Variants in CUEDC1 observed in about 807,000 individuals in gnomAD.
CUEDC1 encodes CUE domain-containing protein 1.
In CUEDC1, 30 loss-of-function variants were observed where a neutral mutation model predicts 43.7. That is an observed-to-expected ratio of 0.69 (90% confidence interval 0.51 to 0.93). The LOEUF (loss-of-function observed/expected upper bound fraction) is 0.93. CUEDC1 is among the 40% of genes least tolerant of loss of function. The pLI is 0.00. For synonymous variants in CUEDC1, 223 were observed against 223.6 expected (o/e 1.00, Z 0.02); for missense variants, 486 against 549.0 (o/e 0.89, Z 1.15).
intron 1 of CUEDC1, among the ~76,000 whole-genome samples, chr17:57,910,489 C>T (rs1375461323): frequency 6.6e-6 from 1 of 151,832 alleles, no homozygotes; most frequent in African/African-American, 2.4e-5. Context: ...GGGCGGGGCA[C>T]AGTGGTTCAC....
intron 1 of CUEDC1, among the ~76,000 whole-genome samples, chr17:57,890,367 G>C (rs1383947014): frequency 6.6e-6 from 1 of 152,190 alleles, no homozygotes; most frequent in African/African-American, 2.4e-5. Context: ...CTGGCTCTGT[G>C]ACCTTGGAGA....
At chr17:57,907,919 G>A (rs1315569012) in intron 1 of CUEDC1, among the ~76,000 whole-genome samples, 6 of 151,388 alleles carry the variant, frequency 4.0e-5, no homozygotes, top group Admixed American at 6.6e-5. Context: ...CCCAATTCTT[G>A]CAGAAGGCCC....
intron 1 of CUEDC1, among the ~76,000 whole-genome samples, chr17:57,898,235 C>T (rs1034944454): frequency 1.2e-4 from 19 of 152,102 alleles, no homozygotes; most frequent in South Asian, 4.1e-4. Context: ...GAATGAGGGC[C>T]GAGTGGACAA....
In CUEDC1 at chr17:57,930,216, A is replaced by C. The variant is rs1206826222; in HGVS notation, c.-316+25009T>G. On this transcript the variant is annotated intron_variant, in intron 1 of 10. Transcript: ENST00000577830. The surrounding 1 kb of genome is among the most constrained non-coding windows in gnomAD (Gnocchi z 4.2). ...TCTCCATTTCTAACCAGGTGATGTC[A>C]GCGCTGCTGGTCTAGGGACCTGACT... 6.6e-6 allele frequency among the ~76,000 whole-genome samples: 1 copy of C among 152,214 alleles called. No individual in the cohort carries two copies. The highest frequency in any genetic ancestry group is 1.5e-5 in the Non-Finnish European group (1 of 68,036).
At chr17:57,933,205 G>C (rs540244211) in intron 1 of CUEDC1, among the ~76,000 whole-genome samples, 65 of 83,286 alleles carry the variant, frequency 7.8e-4, no homozygotes, top group East Asian at 7.7e-3. Context: ...GGGCAGCAAG[G>C]GGGGAGAACC....
In CUEDC1 at chr17:57,863,740, G is replaced by A. The variant is rs998184769; in HGVS notation, c.*4-455C>T. The stretch of plus-strand genomic sequence containing the variant: ...AAGACTCATTCAGGCCAGGCGCAGT[G>A]GCTCACGCCTGTAATCTCAGCACTT... On this transcript the variant is annotated intron_variant, in intron 10 of 10. Transcript: ENST00000577830. 3.3e-5 allele frequency among the ~76,000 whole-genome samples: 5 copies of A among 152,204 alleles called. No homozygotes were observed. In the East Asian group the frequency reaches 7.7e-4, roughly 23 times the overall value.
intron 1 of CUEDC1, among the ~76,000 whole-genome samples, chr17:57,905,850 G>C (rs939198367): frequency 2.0e-5 from 3 of 152,226 alleles, no homozygotes; most frequent in Admixed American, 6.5e-5. Flanking sequence ...CTAAAAGGAA[G>C]GGTTGTGTGG....
Position 57,866,520 on chromosome 17 carries a change from T to C in CUEDC1, c.1118A>G (p.Gln373Arg). ...GCCTTCCTCCACCTTGGGTGCCTCC[T>C]GACGCCTGCCCCGGAAGTCTTCATC... ...ACDEDFRGRR[Q>R]EAPKVEEGLR... Residue 373 changes from glutamine (Q) to arginine (R), a missense_variant, in exon 10 of 11, where the codon CAG becomes CGG. Physicochemically the swap from Gln to Arg is conservative, Grantham distance 43. Transcript: ENST00000577830. 2 of 1,614,226 alleles carry C rather than the reference T, an allele frequency of 1.2e-6. No individual in the cohort carries two copies. Among genetic ancestry groups the C allele is most frequent in the Non-Finnish European group, 1.7e-6 (2 of 1,180,036 alleles).
At chr17:57,941,094 T>C (rs2074913220) in intron 1 of CUEDC1, among the ~76,000 whole-genome samples, 1 of 152,160 alleles carries the variant, frequency 6.6e-6, no homozygotes, top group African/African-American at 2.4e-5. Flanking sequence ...CGCAGACACA[T>C]GGGAGAAGGC....
intron 1 of CUEDC1, among the ~76,000 whole-genome samples, chr17:57,935,453 G>A (rs2074852163): frequency 6.6e-6 from 1 of 151,178 alleles, no homozygotes. Flanking sequence ...CACATTCCTG[G>A]TGCTTACTCT....
intron 1 of CUEDC1, among the ~76,000 whole-genome samples, chr17:57,923,152 TCCA>T (rs558642293): frequency 4.2e-3 from 647 of 152,260 alleles, no homozygotes; most frequent in Non-Finnish European, 7.1e-3. Context: ...GTTTACAATT[TCCA>T]ACTAGCTCCC....
intron 1 of CUEDC1, among the ~76,000 whole-genome samples, chr17:57,887,066 C>T (rs998065334): frequency 5.3e-5 from 8 of 152,112 alleles, no homozygotes; most frequent in African/African-American, 1.7e-4. Flanking sequence ...CGTGATCTGC[C>T]CGCCTCGGCC....
intron 9 of CUEDC1, chr17:57,866,928 G>C (rs2073967492): frequency 2.9e-6 from 1 of 349,268 alleles, no homozygotes; most frequent in Admixed American, 4.2e-5. Context: ...GGGCCCAGGA[G>C]GGTCTGAGGC....
At chr17:57,942,669 G>A (rs952013369) in intron 1 of CUEDC1, among the ~76,000 whole-genome samples, 2 of 151,894 alleles carry the variant, frequency 1.3e-5, no homozygotes, top group African/African-American at 4.8e-5. Context: ...TATTACAGGC[G>A]TGAGCCACCA....
At chr17:57,889,957 T>C (rs1367092153) in intron 1 of CUEDC1, among the ~76,000 whole-genome samples, 1 of 152,230 alleles carries the variant, frequency 6.6e-6, no homozygotes, top group Non-Finnish European at 1.5e-5. Flanking sequence ...CAACTAGCAC[T>C]GCTCAAATGA....
rs1177016041 is a variant in CUEDC1, at chr17:57,955,251, GCGCGGGCCGCAGGGGCCGGGC to G, written c.-363_-343del. 1 of 146,066 alleles carries G rather than the reference GCGCGGGCCGCAGGGGCCGGGC, an allele frequency of 6.8e-6. No individual in the cohort carries two copies. The highest frequency in any genetic ancestry group is 1.5e-5 in the Non-Finnish European group (1 of 65,368). 9.0% of individuals were successfully genotyped at this position (146,066 alleles called of 1,614,324 possible). A position where few individuals can be genotyped will look rare whatever the true frequency, so the allele number is the denominator to read the frequency against. On this transcript the variant is annotated 5_prime_UTR_variant, in exon 1 of 11. Transcript: ENST00000577830. The surrounding 1 kb of genome is among the most constrained non-coding windows in gnomAD (Gnocchi z 5.3). ...GGGCAGCGCCACGCGCGTCCGCTCCGCGCGGGCCGCAGGGGCCGGGCCGCGGGCCGGGCGGGGGAGGGGCTG... is the reference window on the plus strand; with the variant it reads ...GGGCAGCGCCACGCGCGTCCGCTCCGCGCGGGCCGGGCGGGGGAGGGGCTG...
chr17:57,920,159 T>C (rs970821554), intron 1 of CUEDC1, among the ~76,000 whole-genome samples: 2 of 152,150 alleles, frequency 1.3e-5, no homozygotes, highest in African/African-American at 4.8e-5. Flanking sequence ...GTGACTGTGC[T>C]CTAAAAACCC....
intron 1 of CUEDC1, among the ~76,000 whole-genome samples, chr17:57,941,730 C>T (rs2074918697): frequency 6.6e-6 from 1 of 152,180 alleles, no homozygotes; most frequent in Admixed American, 6.5e-5. Context: ...GTTCCCACAT[C>T]CAAAAAGACA....
intron 1 of CUEDC1, among the ~76,000 whole-genome samples, chr17:57,907,223 G>C (rs1379174207): frequency 1.3e-5 from 2 of 152,186 alleles, no homozygotes; most frequent in Non-Finnish European, 2.9e-5. Flanking sequence ...ATACTTTGTG[G>C]ACATTTGAAA....
Sources: gnomAD v4.1 joint callset for allele counts (sites outside exome capture counted in the v4.1 genomes callset) on GRCh38, gnomAD v4.1.1 for gene constraint, Gnocchi (gnomAD v3.1) non-coding constraint, MANE v1.5 for transcripts, NCBI Gene and HGNC (gene_info 2026-07-23, HGNC 2026-07-21) for gene names.